The following DGKB variants were observed in gnomAD, a reference collection of about 807,000 sequenced individuals.
DGKB encodes the protein 90 kDa diacylglycerol kinase.
Under a neutral mutation model 114.3 loss-of-function variants are expected in DGKB, and 67 were observed. That is an observed-to-expected ratio of 0.59 (90% CI 0.48 to 0.72). DGKB has a LOEUF of 0.72. Among genes scored for constraint, DGKB ranks in the 30% least tolerant of loss-of-function variants. DGKB has a pLI of 0.00. For missense variants in DGKB, 907 were observed against 975.2 expected, an observed-to-expected ratio of 0.93 and a Z score of 0.93; for synonymous variants, 398 against 323.1, an observed-to-expected ratio of 1.23 and a Z score of -2.49.
rs187517294 is a variant in DGKB at position 14,750,911 on chromosome 7, C to A, written c.168+3017G>T. ...CTCCACCTCCTGGGTTCAAGTGATT[C>A]TCCTGCCTCAGCCTCCCAAGTATCT... On this transcript the variant is annotated intron_variant, in intron 4 of 25. Coordinates refer to ENST00000402815, the MANE Select transcript of DGKB (RefSeq NM_001350709.2). Among the ~76,000 whole-genome samples the A allele has an allele frequency of 2.1e-3, 296 of 143,046 alleles. 2 individuals are homozygous for A. Among genetic ancestry groups the A allele is most frequent in the Middle Eastern group, 0.015 (4 of 262 alleles). The allele number at this position is 143,046 out of a possible 152,430, so 93.8% of individuals were successfully genotyped here. A position where few individuals can be genotyped will look rare whatever the true frequency, so the allele number is the denominator to read the frequency against.
intron 21 of DGKB, among the ~76,000 whole-genome samples, chr7:14,456,287 G>C (rs1017540661): frequency 2.6e-5 from 4 of 151,910 alleles, no homozygotes; most frequent in African/African-American, 7.2e-5. Context: ...AAATAGTTAG[G>C]ATCCCAAGCA....
chr7:14,628,868 A>G (rs917601667), intron 14 of DGKB, among the ~76,000 whole-genome samples: 1 of 152,122 alleles, frequency 6.6e-6, no homozygotes, highest in African/African-American at 2.4e-5. Flanking sequence ...ACCAATATAT[A>G]GTGCCAGAAA....
intron 23 of DGKB, among the ~76,000 whole-genome samples, chr7:14,214,175 T>C (rs2128312389): frequency 6.6e-6 from 1 of 152,272 alleles, no homozygotes; most frequent in African/African-American, 2.4e-5. Flanking sequence ...TAAAAACACT[T>C]GGTCTTTCCA....
chr7:14,936,943 G>A (rs967369817), intron 1 of DGKB, among the ~76,000 whole-genome samples: 1 of 151,476 alleles, frequency 6.6e-6, no homozygotes, highest in Non-Finnish European at 1.5e-5. Context: ...CTCCCATGGT[G>A]TAAATGATTA....
chr7:14,267,648 C>G (rs1312177565), intron 23 of DGKB, among the ~76,000 whole-genome samples: 1 of 151,788 alleles, frequency 6.6e-6, no homozygotes, highest in East Asian at 1.9e-4. Flanking sequence ...GCCACCATGC[C>G]CAGCTAATTT....
intron 20 of DGKB, among the ~76,000 whole-genome samples, chr7:14,530,452 G>C (rs899035298): frequency 6.6e-6 from 1 of 151,488 alleles, no homozygotes; most frequent in Non-Finnish European, 1.5e-5. Flanking sequence ...CCTATAAATA[G>C]TTTTACATGC....
At chr7:14,412,019 C>A (rs796618260) in intron 21 of DGKB, among the ~76,000 whole-genome samples, 8 of 152,204 alleles carry the variant, frequency 5.3e-5, no homozygotes, top group African/African-American at 1.9e-4. Context: ...TTTATTATCA[C>A]AATTTTGTTT....
chr7:14,670,143 A>T (rs1254370689), intron 13 of DGKB, among the ~76,000 whole-genome samples: 2 of 152,032 alleles, frequency 1.3e-5, no homozygotes, highest in Non-Finnish European at 2.9e-5. Context: ...ATTCATAGTG[A>T]AATAATTATT....
At chr7:14,156,415 A>T (rs973415051) in intron 25 of DGKB, among the ~76,000 whole-genome samples, 7 of 152,164 alleles carry the variant, frequency 4.6e-5, no homozygotes, top group Non-Finnish European at 1.0e-4. Context: ...ACTACTCAAC[A>T]CTGCCCTTAT....
intron 7 of DGKB, among the ~76,000 whole-genome samples, chr7:14,699,998 A>C (rs1824833225): frequency 6.6e-6 from 1 of 152,112 alleles, no homozygotes; most frequent in South Asian, 2.1e-4. Flanking sequence ...TAATTAAAAA[A>C]GAAACATTAA....
At chr7:14,907,555 G>C (rs556855925), upstream of DGKB, among the ~76,000 whole-genome samples, 2 of 152,330 alleles carry the variant, frequency 1.3e-5, no homozygotes, top group Admixed American at 1.3e-4. Context: ...ATACGTGCAT[G>C]AACACACACA....
chr7:14,534,043 C>T (rs1792021473), intron 20 of DGKB, among the ~76,000 whole-genome samples: 1 of 151,962 alleles, frequency 6.6e-6, no homozygotes. Flanking sequence ...TTATATAAAT[C>T]ATTTTAAATA....
rs138845696 is a variant in DGKB, at chr7:14,547,733, T to C, written c.1770+26479A>G. ...GTGATACATTTTGCAAGTTTAGTCA[T>C]TAAAAACACATGACAGCTAAAAGCA... On this transcript the variant is annotated intron_variant, in intron 20 of 25. Transcript: ENST00000402815. Among the ~76,000 whole-genome samples, 487 of 152,214 alleles carry C rather than the reference T, an allele frequency of 3.2e-3. 3 individuals are homozygous for C. The highest frequency in any genetic ancestry group is 0.011 in the African/African-American group (461 of 41,554).
intron 23 of DGKB, among the ~76,000 whole-genome samples, chr7:14,245,177 CACACACACGCACAAA>C (rs959893991): frequency 2.6e-5 from 4 of 152,058 alleles, no homozygotes; most frequent in Non-Finnish European, 4.4e-5. Flanking sequence ...TACACACACA[CACACACACGCACAAA>C]ACACACACTG....
intron 20 of DGKB, among the ~76,000 whole-genome samples, chr7:14,479,473 A>G (rs1265235129): frequency 6.6e-6 from 1 of 152,146 alleles, no homozygotes; most frequent in Non-Finnish European, 1.5e-5. Context: ...ACCCAGACAT[A>G]TAGATAGAGG....
At chr7:14,957,131 T>A (rs1456643800) in intron 1 of DGKB, among the ~76,000 whole-genome samples, 1 of 151,900 alleles carries the variant, frequency 6.6e-6, no homozygotes, top group Non-Finnish European at 1.5e-5. Flanking sequence ...AAATCGAATA[T>A]CCCAGTTTTT....
rs549913474 is a variant in DGKB, at chr7:14,691,847, G to A, written c.711+2228C>T. On this transcript the variant is annotated intron_variant, in intron 9 of 25. Transcript: ENST00000402815. The stretch of plus-strand genomic sequence containing the variant: ...GGCCGTCACTGGTAACACAACTCTG[G>A]AACACAGCTCTGATAGCTATAATAA... Among the ~76,000 whole-genome samples, 6 of 151,520 alleles carry A rather than the reference G, an allele frequency of 4.0e-5. No homozygotes were observed. The East Asian group carries it at 1.2e-3, about 29-fold the overall frequency.
intron 18 of DGKB, among the ~76,000 whole-genome samples, chr7:14,581,154 A>G (rs1266806920): frequency 1.3e-5 from 2 of 152,186 alleles, no homozygotes; most frequent in Non-Finnish European, 2.9e-5. Flanking sequence ...CACAAATACT[A>G]TTATTCACGG....
intron 13 of DGKB, among the ~76,000 whole-genome samples, chr7:14,658,417 G>A (rs1350563611): frequency 1.3e-5 from 2 of 151,918 alleles, no homozygotes; most frequent in East Asian, 3.9e-4. Flanking sequence ...GATGGGAAGA[G>A]TTTGCATGTT....
Sources: gnomAD v4.1 joint callset for allele counts (sites outside exome capture counted in the v4.1 genomes callset) on GRCh38, gnomAD v4.1.1 for gene constraint, MANE v1.5 for transcripts, NCBI Gene and HGNC (gene_info 2026-07-23, HGNC 2026-07-21) for gene names.